ZNF365: variants seen among roughly 807,000 people sequenced by gnomAD.
ZNF365 encodes zinc finger protein 365.
ZNF365 carries 22 observed loss-of-function variants against 35.0 expected under a neutral mutation model. The observed-to-expected ratio is 0.63, with a 90% CI of 0.45 to 0.90. The LOEUF (loss-of-function observed/expected upper bound fraction) is 0.90, where lower values mean the gene tolerates loss of function less well. ZNF365 is among the 40% of genes least tolerant of loss of function. The pLI is 0.00. For missense variants in ZNF365, 448 were observed against 500.3 expected, an observed-to-expected ratio of 0.90 and a Z score of 1.00; for synonymous variants, 188 against 196.2, an observed-to-expected ratio of 0.96 and a Z score of 0.35.
intron 3 of ZNF365, among the ~76,000 whole-genome samples, chr10:62,420,744 A>G (rs139281976): frequency 0.016 from 2,438 of 151,522 alleles, 31 homozygotes; most frequent in South Asian, 0.049. Context: ...GTATGCACCT[A>G]ATGTCTTCTA....
At chr10:62,454,149 A>C (rs1840726441) in intron 3 of ZNF365, among the ~76,000 whole-genome samples, 1 of 152,200 alleles carries the variant, frequency 6.6e-6, no homozygotes, top group Admixed American at 6.5e-5. Context: ...CCTTCCTCAT[A>C]GGGAACTTAC....
intron 3 of ZNF365, among the ~76,000 whole-genome samples, chr10:62,442,574 G>A (rs992475601): frequency 6.6e-6 from 1 of 152,160 alleles, no homozygotes; most frequent in Non-Finnish European, 1.5e-5. Flanking sequence ...TTGGAGGGAT[G>A]GATGTCATTT....
In ZNF365 at chr10:62,475,571, G is replaced by C. The variant is rs536214383; in HGVS notation, c.982-4305G>C. Among the ~76,000 whole-genome samples, 22 of 152,280 alleles carry C rather than the reference G, an allele frequency of 1.4e-4. No individual in the cohort carries two copies. In the South Asian group the frequency reaches 4.6e-3, roughly 32 times the overall value. On this transcript the variant is annotated intron_variant, in intron 4 of 4. Transcript: ENST00000395255. Reference sequence around the variant, plus strand: ...TTACAAAACTTTGAGAGACTACAAGGCTCTCTCAGGTCAGGGTAGAAGAGA... The same window carrying C: ...TTACAAAACTTTGAGAGACTACAAGCCTCTCTCAGGTCAGGGTAGAAGAGA...
chr10:62,383,311 G>A (rs1839471733), intron 2 of ZNF365, among the ~76,000 whole-genome samples: 1 of 152,170 alleles, frequency 6.6e-6, no homozygotes. Context: ...GATGTGCATG[G>A]TGATAAGGTA....
At chr10:62,425,717 T>C (rs1055102327) in intron 3 of ZNF365, among the ~76,000 whole-genome samples, 1 of 152,196 alleles carries the variant, frequency 6.6e-6, no homozygotes, top group Non-Finnish European at 1.5e-5. Flanking sequence ...ATTCCCCATT[T>C]CCTTTCCTTG....
chr10:62,401,350 C>T lies in ZNF365; in HGVS notation c.*1561C>T. On this transcript the variant is annotated 3_prime_UTR_variant, in exon 5 of 5. Transcript: ENST00000395254. ...GTTACTGCAATAAGCATCAAATTAG[C>T]AGCGCATTAAAAATAGGAAATAAAG... is the stretch of plus-strand genomic sequence containing the variant. The T allele has an allele frequency of 1.0e-6, 1 of 985,448 alleles. No individual in the cohort carries two copies. The highest frequency in any genetic ancestry group is 1.2e-6 in the Non-Finnish European group (1 of 829,912). The allele number at this position is 985,448 out of a possible 1,614,324, so 61.0% of individuals were successfully genotyped here.
Position 62,402,312 on chromosome 10 carries a change from G to A in ZNF365, c.*2523G>A, listed in dbSNP as rs1293416905. 4 of 985,432 alleles carry A rather than the reference G, an allele frequency of 4.1e-6. No individual in the cohort carries two copies. In the African/African-American group the frequency reaches 7.0e-5, roughly 17 times the overall value. 61.0% of individuals were successfully genotyped at this position (985,432 alleles called of 1,614,324 possible). Reference sequence around the variant, plus strand: ...CTAGGTTACAGGTTCTTATCTGCAAGGTTCAAGTTGCTTAGACATTGTTTT... The same window carrying A: ...CTAGGTTACAGGTTCTTATCTGCAAAGTTCAAGTTGCTTAGACATTGTTTT... On this transcript the variant is annotated 3_prime_UTR_variant, in exon 5 of 5. Transcript: ENST00000395254.
At chr10:62,381,198 T>C (rs963991068) in intron 2 of ZNF365, among the ~76,000 whole-genome samples, 18 of 152,274 alleles carry the variant, frequency 1.2e-4, no homozygotes, top group Admixed American at 8.5e-4. Context: ...AGAATTTGCA[T>C]TGATGGCCAG....
Position 62,437,781 on chromosome 10 carries a change from G to A in ZNF365, c.925-21960G>A, listed in dbSNP as rs959090147. Among the ~76,000 whole-genome samples the A allele has an allele frequency of 6.6e-5, 10 of 152,318 alleles. 1 individual carries two copies. Among genetic ancestry groups the A allele is most frequent in the Middle Eastern group, 6.8e-3 (2 of 294 alleles). On this transcript the variant is annotated intron_variant, in intron 3 of 4. Coordinates refer to the ZNF365 transcript ENST00000395255. ...CCTTTGACCAGAAACAAGCAGCCCT[G>A]ATAATTATATTCTCTACCACTAGGG...
chr10:62,395,842 G>C (rs1031829998), intron 3 of ZNF365, among the ~76,000 whole-genome samples: 5 of 152,142 alleles, frequency 3.3e-5, no homozygotes, highest in Admixed American at 2.0e-4. Flanking sequence ...AAGCATTTTG[G>C]ATAAGAGTTA....
intron 4 of ZNF365, chr10:62,479,816 T>C: frequency 5.1e-6 from 6 of 1,181,186 alleles, no homozygotes; most frequent in Non-Finnish European, 7.6e-6. Flanking sequence ...TTGACTATTG[T>C]TGCTGGCACC....
At chr10:62,446,633 AACT>A (rs1339902105) in intron 3 of ZNF365, among the ~76,000 whole-genome samples, 1 of 152,300 alleles carries the variant, frequency 6.6e-6, no homozygotes, top group Admixed American at 6.5e-5. Context: ...ATAATTTGAA[AACT>A]ACTGCTGCAG....
intron 3 of ZNF365, among the ~76,000 whole-genome samples, chr10:62,456,052 G>C (rs539340397): frequency 8.5e-5 from 13 of 152,318 alleles, no homozygotes; most frequent in African/African-American, 2.9e-4. Context: ...CGGTGATGGT[G>C]ATGGACAGAT....
intron 4 of ZNF365, among the ~76,000 whole-genome samples, chr10:62,466,548 A>G (rs1054601875): frequency 2.6e-5 from 4 of 152,126 alleles, no homozygotes; most frequent in African/African-American, 9.7e-5. Context: ...GCAAAACCCA[A>G]GCAGAGGCAC....
chr10:62,381,161 CACACTGAGGAA>C, intron 2 of ZNF365, among the ~76,000 whole-genome samples: 1 of 152,102 alleles, frequency 6.6e-6, no homozygotes, highest in East Asian at 1.9e-4. Flanking sequence ...GTGGAGAGGC[CACACTGAGGAA>C]ATGAGGAGGA....
At chr10:62,479,547 ACT>A (rs1335255372) in intron 4 of ZNF365, among the ~76,000 whole-genome samples, 1 of 152,188 alleles carries the variant, frequency 6.6e-6, no homozygotes, top group Non-Finnish European at 1.5e-5. Flanking sequence ...GAACCAGGAC[ACT>A]CTTGAGAGTT....
chr10:62,425,237 C>T (rs1840233823), intron 3 of ZNF365, among the ~76,000 whole-genome samples: 1 of 152,018 alleles, frequency 6.6e-6, no homozygotes, highest in Non-Finnish European at 1.5e-5. Context: ...AGATAAGACA[C>T]AGAGTCTAGA....
chr10:62,377,287 G>A (rs1839353954), intron 2 of ZNF365, among the ~76,000 whole-genome samples: 1 of 152,166 alleles, frequency 6.6e-6, no homozygotes, highest in Non-Finnish European at 1.5e-5. Context: ...AGGCAGAAAG[G>A]GTGAGCTAAG....
chr10:62,389,064 A>C (rs1202886764), intron 3 of ZNF365, among the ~76,000 whole-genome samples: 4 of 152,208 alleles, frequency 2.6e-5, no homozygotes, highest in African/African-American at 9.6e-5. Context: ...ATAGATTTTC[A>C]AAAAGACTGA....
Sources: gnomAD v4.1 joint callset for allele counts (sites outside exome capture counted in the v4.1 genomes callset) on GRCh38, gnomAD v4.1.1 for gene constraint, MANE v1.5 for transcripts, NCBI Gene and HGNC (gene_info 2026-07-23, HGNC 2026-07-21) for gene names.